SLC24A2: variants seen among roughly 807,000 people sequenced by gnomAD.
The protein encoded by SLC24A2 is sodium/potassium/calcium exchanger 2.
In SLC24A2, 36 loss-of-function variants were observed where a neutral mutation model predicts 62.0. The observed-to-expected ratio is 0.58, with a 90% CI of 0.44 to 0.77. SLC24A2 has a LOEUF of 0.77. Among genes scored for constraint, SLC24A2 ranks in the 30% least tolerant of loss-of-function variants. The pLI, the probability that SLC24A2 is intolerant of heterozygous loss-of-function variation, is 0.00. For missense variants in SLC24A2, 846 were observed against 817.9 expected, an observed-to-expected ratio of 1.03 and a Z score of -0.42; for synonymous variants, 358 against 294.0, an observed-to-expected ratio of 1.22 and a Z score of -2.23.
At chr9:19,983,111 G>T in the SLC24A2 span, among the ~76,000 whole-genome samples, 3 of 152,190 alleles carry the variant, frequency 2.0e-5, no homozygotes, top group Non-Finnish European at 1.5e-5. Flanking sequence ...AGACAAGGAT[G>T]CTGACTTTTA....
chr9:20,159,411 C>G, the SLC24A2 span, among the ~76,000 whole-genome samples: 1 of 151,478 alleles, frequency 6.6e-6, no homozygotes, highest in Non-Finnish European at 1.5e-5. Context: ...TTTTTTTACC[C>G]TTGGCCCCAG....
the SLC24A2 span, among the ~76,000 whole-genome samples, chr9:20,097,859 C>T: frequency 6.8e-6 from 1 of 147,338 alleles, no homozygotes; most frequent in Non-Finnish European, 1.5e-5. Context: ...TCTCCTGCCT[C>T]AGACTCCCGA....
the SLC24A2 span, among the ~76,000 whole-genome samples, chr9:19,843,090 G>C: frequency 2.0e-5 from 3 of 152,082 alleles, no homozygotes; most frequent in Non-Finnish European, 4.4e-5. Context: ...GCTGTCATCT[G>C]TTTAGGGCAA....
chr9:19,522,854 C>T (rs1336411967), intron 9 of SLC24A2, among the ~76,000 whole-genome samples: 2 of 152,166 alleles, frequency 1.3e-5, no homozygotes, highest in Non-Finnish European at 2.9e-5. Context: ...CACAGGAGTG[C>T]CCTATTTGAG....
intron 2 of SLC24A2, among the ~76,000 whole-genome samples, chr9:19,702,635 G>C (rs1209816228): frequency 6.6e-6 from 1 of 152,162 alleles, no homozygotes; most frequent in Non-Finnish European, 1.5e-5. Flanking sequence ...TTGCATTATA[G>C]TTGGCAGTGG....
At chr9:20,119,073 G>C in the SLC24A2 span, among the ~76,000 whole-genome samples, 3 of 152,138 alleles carry the variant, frequency 2.0e-5, no homozygotes, top group Non-Finnish European at 4.4e-5. Context: ...CAGCCTTCAA[G>C]AACTGAACGC....
the SLC24A2 span, among the ~76,000 whole-genome samples, chr9:20,130,896 A>G: frequency 2.0e-5 from 3 of 152,068 alleles, no homozygotes; most frequent in Non-Finnish European, 4.4e-5. Context: ...TGCTTTTTGG[A>G]CATCACATAG....
intron 7 of SLC24A2, among the ~76,000 whole-genome samples, chr9:19,560,425 G>A (rs368116188): frequency 6.6e-6 from 1 of 151,974 alleles, no homozygotes; most frequent in East Asian, 1.9e-4. Context: ...TGATCCAATA[G>A]GATCATAAGA....
chr9:19,628,712 C>T (rs1365373257), intron 2 of SLC24A2, among the ~76,000 whole-genome samples: 5 of 152,130 alleles, frequency 3.3e-5, no homozygotes, highest in South Asian at 4.2e-4. Context: ...CTTTAAGGAA[C>T]GGGTCTAAGA....
chr9:19,529,506 T>C (rs144831098), intron 8 of SLC24A2, among the ~76,000 whole-genome samples: 73 of 152,316 alleles, frequency 4.8e-4, no homozygotes, highest in African/African-American at 1.7e-3. Flanking sequence ...TGCTGTTTTG[T>C]GGGGCCGTTT....
the SLC24A2 span, among the ~76,000 whole-genome samples, chr9:20,032,790 G>A: frequency 2.0e-5 from 3 of 152,194 alleles, no homozygotes; most frequent in African/African-American, 7.2e-5. Flanking sequence ...GAACAGGAAG[G>A]ACCCAACCCA....
the SLC24A2 span, among the ~76,000 whole-genome samples, chr9:20,298,596 T>G: frequency 6.6e-6 from 1 of 152,262 alleles, no homozygotes; most frequent in Non-Finnish European, 1.5e-5. Context: ...ACGTTCTTCC[T>G]AATATACAAT....
intron 2 of SLC24A2, among the ~76,000 whole-genome samples, chr9:19,758,285 G>A (rs960584100): frequency 9.9e-5 from 15 of 152,156 alleles, no homozygotes; most frequent in Admixed American, 2.0e-4. Context: ...AATAGACATG[G>A]AGTCCAGGCT....
the SLC24A2 span, among the ~76,000 whole-genome samples, chr9:20,258,662 C>T: frequency 2.6e-5 from 4 of 152,246 alleles, no homozygotes; most frequent in African/African-American, 4.8e-5. Context: ...CATGAAGCCA[C>T]GCTATTGGCT....
chr9:19,881,405 T>A, the SLC24A2 span, among the ~76,000 whole-genome samples: 2 of 152,200 alleles, frequency 1.3e-5, no homozygotes, highest in Non-Finnish European at 1.5e-5. Context: ...GAGAACCATC[T>A]ACTGACTTAG....
At chr9:19,874,310 T>A in the SLC24A2 span, among the ~76,000 whole-genome samples, 1 of 152,140 alleles carries the variant, frequency 6.6e-6, no homozygotes, top group African/African-American at 2.4e-5. Flanking sequence ...TCAATCAATA[T>A]AATTCATTGC....
intron 7 of SLC24A2, among the ~76,000 whole-genome samples, chr9:19,565,027 G>GAAGC (rs1402339851): frequency 6.6e-6 from 1 of 152,090 alleles, no homozygotes; most frequent in African/African-American, 2.4e-5. Flanking sequence ...AACATCACTG[G>GAAGC]AAGCATTCCC....
At chr9:20,005,404 T>C in the SLC24A2 span, among the ~76,000 whole-genome samples, 1 of 152,182 alleles carries the variant, frequency 6.6e-6, no homozygotes, top group Admixed American at 6.5e-5. Context: ...CTGAGGACTT[T>C]ACATATGTTA....
At chr9:19,896,455 C>T in the SLC24A2 span, among the ~76,000 whole-genome samples, 1 of 152,230 alleles carries the variant, frequency 6.6e-6, no homozygotes, top group Non-Finnish European at 1.5e-5. Flanking sequence ...TAAAAGAACA[C>T]TCTTTGGGAG....
Sources: gnomAD v4.1 joint callset for allele counts (sites outside exome capture counted in the v4.1 genomes callset) on GRCh38, gnomAD v4.1.1 for gene constraint, MANE v1.5 for transcripts, NCBI Gene and HGNC (gene_info 2026-07-23, HGNC 2026-07-21) for gene names.